ITGA9: variants seen among roughly 807,000 people sequenced by gnomAD.
ITGA9 encodes the protein integrin alpha-9.
In ITGA9, 56 loss-of-function variants were observed where a neutral mutation model predicts 127.8. The ratio of observed to expected loss-of-function variants is 0.44; its 90% CI spans 0.35 to 0.55. ITGA9 has a LOEUF of 0.55. Among genes scored for constraint, ITGA9 ranks in the 20% least tolerant of loss-of-function variants. ITGA9 has a pLI of 0.00. For missense variants in ITGA9, 1,196 were observed against 1,347.1 expected, an observed-to-expected ratio of 0.89 and a Z score of 1.76; for synonymous variants, 508 against 514.5, an observed-to-expected ratio of 0.99 and a Z score of 0.17.
chr3:37,648,253 G>A (rs995414006), intron 16 of ITGA9, among the ~76,000 whole-genome samples: 1 of 152,038 alleles, frequency 6.6e-6, no homozygotes, highest in Non-Finnish European at 1.5e-5. Flanking sequence ...TTGTGACTTC[G>A]ATTTGAATTT....
intron 15 of ITGA9, among the ~76,000 whole-genome samples, chr3:37,596,126 A>C (rs914878391): frequency 1.3e-5 from 2 of 152,222 alleles, no homozygotes; most frequent in African/African-American, 2.4e-5. Context: ...GATACCTGCC[A>C]TAAAGAAACA....
In ITGA9 at chr3:37,545,971, T is replaced by C. The variant is rs1225003393; in HGVS notation, c.1689+3386T>C. Among the ~76,000 whole-genome samples, 11 of 152,356 alleles carry C rather than the reference T, an allele frequency of 7.2e-5. No homozygotes were observed. The East Asian group carries it at 2.1e-3, about 29-fold the overall frequency. On this transcript the variant is annotated intron_variant, in intron 15 of 27. Transcript: ENST00000264741. Reference sequence around the variant, plus strand: ...AGAGGCCCGGTTTGTGTCATATTCATGTAGAACCATCTACCACCTGCATGA... The same window carrying C: ...AGAGGCCCGGTTTGTGTCATATTCACGTAGAACCATCTACCACCTGCATGA...
chr3:37,700,479 G>A (rs1700934697), intron 18 of ITGA9, among the ~76,000 whole-genome samples: 1 of 152,150 alleles, frequency 6.6e-6, no homozygotes, highest in Non-Finnish European at 1.5e-5. Context: ...CTCCGGAGTA[G>A]TTGGGAATAC....
At chr3:37,598,874 A>G (rs1047954629) in intron 15 of ITGA9, among the ~76,000 whole-genome samples, 1 of 152,064 alleles carries the variant, frequency 6.6e-6, no homozygotes, top group African/African-American at 2.4e-5. Context: ...TGTGTTTTAA[A>G]GGATCCGTGG....
intron 25 of ITGA9, among the ~76,000 whole-genome samples, chr3:37,784,620 A>G (rs1697016523): frequency 6.6e-6 from 1 of 152,016 alleles, no homozygotes. Flanking sequence ...CCAGGCCTAG[A>G]TTTGCTCTAC....
intron 19 of ITGA9, among the ~76,000 whole-genome samples, chr3:37,734,822 T>C (rs1162764134): frequency 6.6e-6 from 1 of 152,212 alleles, no homozygotes; most frequent in Non-Finnish European, 1.5e-5. Flanking sequence ...CACAGAAGTA[T>C]GAACATTGGA....
In ITGA9 at chr3:37,503,379, G is replaced by T. The variant is rs1444451628; in HGVS notation, c.742+72G>T. 5 of 1,557,804 alleles carry T rather than the reference G, an allele frequency of 3.2e-6. No individual in the cohort carries two copies. The Admixed American group carries it at 5.2e-5, about 16-fold the overall frequency. ...ATTCCCACCAGATTCACAAATTATT[G>T]CTTCATTGTTGGAAAGAGGAGTTAG... On this transcript the variant is annotated intron_variant, in intron 6 of 27. Transcript: ENST00000264741.
At chr3:37,497,192 A>G (rs1410450255) in intron 5 of ITGA9, among the ~76,000 whole-genome samples, 2 of 152,284 alleles carry the variant, frequency 1.3e-5, no homozygotes, top group Non-Finnish European at 2.9e-5. Flanking sequence ...AACTTGTTAC[A>G]TATTTTCAAC....
Position 37,719,597 on chromosome 3 carries a change from G to A in ITGA9, c.2068-13115G>A, listed in dbSNP as rs1005640978. Among the ~76,000 whole-genome samples, 4 of 152,220 alleles carry A rather than the reference G, an allele frequency of 2.6e-5. No homozygotes were observed. In the East Asian group the frequency reaches 7.8e-4, roughly 30 times the overall value. On this transcript the variant is annotated intron_variant, in intron 18 of 27. Transcript: ENST00000264741. ...CCGCCTATGACAGTTCGCCATAGGC[G>A]AACTGTTTCTCTGGTTAGGAACTTT...
chr3:37,596,589 C>A (rs1487329865), intron 15 of ITGA9, among the ~76,000 whole-genome samples: 1 of 152,124 alleles, frequency 6.6e-6, no homozygotes, highest in Non-Finnish European at 1.5e-5. Flanking sequence ...TGAGAATGTC[C>A]TGCTCCCCCG....
chr3:37,533,345 A>G lies in ITGA9; in HGVS notation c.1405A>G (p.Ile469Val), dbSNP rs1401538483. 4.3e-6 allele frequency: 7 copies of G among 1,614,106 alleles called. No individual in the cohort carries two copies. In the East Asian group the frequency reaches 1.1e-4, roughly 26 times the overall value. The change falls in exon 14 of 28, where the codon ATC becomes GTC. Residue 469 changes from isoleucine to valine, a missense_variant. By Grantham distance (29) the Ile-to-Val change is conservative (BLOSUM62 3). Coordinates refer to ENST00000264741, the MANE Select transcript of ITGA9 (RefSeq NM_002207.3). ...GCCTGTCATTACGGTGGATGTCTCC[A>G]TCTTCCTCCCGGGCTCCATCAACAT... ...ARPVITVDVS[I>V]FLPGSINITA... is the part of the protein sequence containing the mutation.
chr3:37,473,136 CAAAAAAAAAAAA>C (rs36109791), intron 2 of ITGA9, among the ~76,000 whole-genome samples: 1 of 70,778 alleles, frequency 1.4e-5, no homozygotes, highest in Non-Finnish European at 2.5e-5. Flanking sequence ...GAGACTGTCT[CAAAAAAAAAAAA>C]AAAAAAAAAA....
chr3:37,693,860 T>C (rs1033441758), intron 18 of ITGA9, among the ~76,000 whole-genome samples: 2 of 152,206 alleles, frequency 1.3e-5, no homozygotes, highest in African/African-American at 4.8e-5. Flanking sequence ...CTGATTTTCA[T>C]TGTGTTCTGC....
chr3:37,464,924 G>T (rs1698353982), intron 1 of ITGA9, among the ~76,000 whole-genome samples: 1 of 152,182 alleles, frequency 6.6e-6, no homozygotes, highest in African/African-American at 2.4e-5. Context: ...CTCAAGCCTG[G>T]GCTGCTTTCT....
intron 18 of ITGA9, among the ~76,000 whole-genome samples, chr3:37,713,796 G>A (rs1701104130): frequency 6.6e-6 from 1 of 152,252 alleles, no homozygotes; most frequent in South Asian, 2.1e-4. Context: ...GGCCCGGGCT[G>A]CTCTGCTTAC....
intron 24 of ITGA9, among the ~76,000 whole-genome samples, chr3:37,778,150 C>T (rs1696930184): frequency 6.6e-6 from 1 of 152,174 alleles, no homozygotes; most frequent in Non-Finnish European, 1.5e-5. Context: ...TGTAATATTT[C>T]ACTTATACGA....
Position 37,819,263 on chromosome 3 carries a change from G to T in ITGA9, c.*274G>T. 3 of 521,472 alleles carry T rather than the reference G, an allele frequency of 5.8e-6. No individual in the cohort carries two copies. The highest frequency in any genetic ancestry group is 1.0e-5 in the Non-Finnish European group (3 of 290,630). The allele number at this position is 521,472 out of a possible 1,614,324, so 32.3% of individuals were successfully genotyped here. On this transcript the variant is annotated 3_prime_UTR_variant, in exon 28 of 28. Transcript: ENST00000264741. ...AATATTTATGGATGCAACACGCATGGTCAACCCTCAGGGGAAAACTGTTAC... is the reference window on the plus strand; with the variant it reads ...AATATTTATGGATGCAACACGCATGTTCAACCCTCAGGGGAAAACTGTTAC...
chr3:37,611,392 AT>A (rs1700014805), intron 15 of ITGA9, among the ~76,000 whole-genome samples: 1 of 152,200 alleles, frequency 6.6e-6, no homozygotes, highest in African/African-American at 2.4e-5. Context: ...GTCAAGAAAG[AT>A]GAGGACAGAG....
At chr3:37,808,292 A>C (rs1188968801) in intron 27 of ITGA9, 1 of 152,162 alleles carries the variant, frequency 6.6e-6, no homozygotes, top group Non-Finnish European at 1.5e-5. Context: ...GCTCTAGTCA[A>C]ATGTCTACTC....
Sources: gnomAD v4.1 joint callset for allele counts (sites outside exome capture counted in the v4.1 genomes callset) on GRCh38, gnomAD v4.1.1 for gene constraint, MANE v1.5 for transcripts, NCBI Gene and HGNC (gene_info 2026-07-23, HGNC 2026-07-21) for gene names.